PRLR: variants seen among roughly 807,000 people sequenced by gnomAD.
PRLR encodes the protein prolactin receptor, also known as hPRL receptor.
In PRLR, 13 loss-of-function variants were observed where a neutral mutation model predicts 40.2. The ratio of observed to expected loss-of-function variants is 0.32; its 90% confidence interval spans 0.21 to 0.51. The LOEUF (loss-of-function observed/expected upper bound fraction) is 0.51, where lower values mean the gene tolerates loss of function less well. PRLR is among the 20% of genes least tolerant of loss of function. PRLR has a pLI of 0.97. For missense variants in PRLR, 656 were observed against 747.3 expected, an observed-to-expected ratio of 0.88 and a Z score of 1.42; for synonymous variants, 269 against 278.7, an observed-to-expected ratio of 0.97 and a Z score of 0.35.
chr5:35,127,755 A>T (rs569213578), intron 1 of PRLR, among the ~76,000 whole-genome samples: 21 of 152,360 alleles, frequency 1.4e-4, no homozygotes, highest in South Asian at 8.3e-4. Context: ...CCAGGCACGA[A>T]AGACCCCAGA....
At position 35,122,180 on chromosome 5, in the gene PRLR, C is replaced by T. The variant is rs183857311; in HGVS notation, c.-105-4058G>A. ...TAAAAAGATAATAAATACTTCTTGT[C>T]CACACCAGAACCACAGGTATAAACC... On this transcript the variant is annotated intron_variant, in intron 1 of 9. Transcript: ENST00000618457. Among the ~76,000 whole-genome samples, 11 of 152,202 alleles carry T rather than the reference C, an allele frequency of 7.2e-5. No homozygotes were observed. The East Asian group carries it at 1.7e-3, about 24-fold the overall frequency.
intron 1 of PRLR, among the ~76,000 whole-genome samples, chr5:35,173,954 G>T (rs1283419988): frequency 6.6e-6 from 1 of 152,000 alleles, no homozygotes; most frequent in Non-Finnish European, 1.5e-5. Context: ...TTTACATTAG[G>T]TATATCTCCT....
chr5:35,139,588 G>A (rs1048669335), intron 1 of PRLR, among the ~76,000 whole-genome samples: 2 of 152,130 alleles, frequency 1.3e-5, no homozygotes, highest in South Asian at 2.1e-4. Context: ...CCTAGAAGAC[G>A]ACAGATGTAA....
At chr5:35,162,774 C>T (rs74370740) in intron 1 of PRLR, among the ~76,000 whole-genome samples, 6,085 of 152,276 alleles carry the variant, frequency 0.04, 145 homozygotes, top group Middle Eastern at 0.11. Context: ...CCACATGCCT[C>T]GTCCCTGTGT....
At chr5:35,196,990 C>T (rs1775754131) in intron 1 of PRLR, among the ~76,000 whole-genome samples, 1 of 152,126 alleles carries the variant, frequency 6.6e-6, no homozygotes, top group African/African-American at 2.4e-5. Flanking sequence ...GCACTAATCT[C>T]ATTCATGAAG....
At chr5:35,100,872 T>C (rs1303212946) in intron 2 of PRLR, among the ~76,000 whole-genome samples, 1 of 152,200 alleles carries the variant, frequency 6.6e-6, no homozygotes, top group Admixed American at 6.5e-5. Flanking sequence ...TGAAAGGCTC[T>C]TGAGTTCATG....
At chr5:35,134,144 A>G (rs2111789459) in intron 1 of PRLR, among the ~76,000 whole-genome samples, 1 of 152,310 alleles carries the variant, frequency 6.6e-6, no homozygotes, top group East Asian at 1.9e-4. Flanking sequence ...GAACTTAGGT[A>G]ACCAAACACC....
chr5:35,107,785 C>A (rs1020690973), intron 2 of PRLR, among the ~76,000 whole-genome samples: 7 of 152,150 alleles, frequency 4.6e-5, no homozygotes, highest in Non-Finnish European at 8.8e-5. Context: ...ACAGCCGAGT[C>A]TACCAGAGGT....
intron 1 of PRLR, among the ~76,000 whole-genome samples, chr5:35,157,211 CTG>C (rs1774535549): frequency 2.6e-5 from 4 of 152,056 alleles, no homozygotes; most frequent in Admixed American, 2.6e-4. Context: ...TTTATGGAAA[CTG>C]TATGTAGCTG....
intron 3 of PRLR, among the ~76,000 whole-genome samples, chr5:35,087,424 G>GTGTA (rs1770926872): frequency 7.2e-6 from 1 of 138,258 alleles, no homozygotes; most frequent in African/African-American, 2.6e-5. Context: ...TCTTTCCTTT[G>GTGTA]TGTGTGTGTG....
intron 1 of PRLR, among the ~76,000 whole-genome samples, chr5:35,214,018 C>T (rs1776229213): frequency 1.3e-5 from 2 of 152,198 alleles, no homozygotes; most frequent in South Asian, 4.1e-4. Context: ...CATTTCCAGC[C>T]TTCCCCGTTG....
intron 1 of PRLR, among the ~76,000 whole-genome samples, chr5:35,221,060 C>T (rs1776404411): frequency 6.6e-6 from 1 of 152,174 alleles, no homozygotes; most frequent in Non-Finnish European, 1.5e-5. Flanking sequence ...TAAGTAGCTT[C>T]TGCAACCAAA....
intron 1 of PRLR, among the ~76,000 whole-genome samples, chr5:35,229,170 GA>G (rs553740562): frequency 2.7e-5 from 4 of 149,148 alleles, no homozygotes; most frequent in Non-Finnish European, 5.9e-5. Flanking sequence ...AAACTTTGCA[GA>G]AAAAAAATCG....
Position 35,059,395 on chromosome 5 carries a change from G to A in PRLR, c.*5694C>T, listed in dbSNP as rs1056300804. The A allele has an allele frequency of 4.0e-5, 6 of 151,754 alleles. No homozygotes were observed. The highest frequency in any genetic ancestry group is 9.7e-5 in the African/African-American group (4 of 41,134). 9.4% of individuals were successfully genotyped at this position (151,754 alleles called of 1,614,324 possible). A position where few individuals can be genotyped will look rare whatever the true frequency, so the allele number is the denominator to read the frequency against. On this transcript the variant is annotated 3_prime_UTR_variant, in exon 10 of 10. Coordinates refer to ENST00000618457, the MANE Select transcript of PRLR (RefSeq NM_000949.7). ...AGCATTAAATCAAGGGAATTGATGT[G>A]GACAAAACAGCTGCCAGCATGATAG... is the stretch of plus-strand genomic sequence containing the variant.
chr5:35,049,175 T>A (rs758675759), exon 9 of PRLR: 1 of 700,140 alleles, frequency 1.4e-6, no homozygotes. Context: ...GTAATCCAAG[T>A]CAGTGAGGCC....
chr5:35,219,728 T>C (rs1041945735), intron 1 of PRLR, among the ~76,000 whole-genome samples: 3 of 152,148 alleles, frequency 2.0e-5, no homozygotes, highest in African/African-American at 7.2e-5. Context: ...GGATGAAATT[T>C]TTATGGTTAA....
At chr5:35,105,675 G>A (rs1461698935) in intron 2 of PRLR, among the ~76,000 whole-genome samples, 1 of 152,014 alleles carries the variant, frequency 6.6e-6, no homozygotes, top group Non-Finnish European at 1.5e-5. Flanking sequence ...GAGAAGTTTA[G>A]AGAAAAAAAG....
intron 1 of PRLR, among the ~76,000 whole-genome samples, chr5:35,201,066 C>T (rs1284491484): frequency 6.6e-6 from 1 of 152,186 alleles, no homozygotes; most frequent in African/African-American, 2.4e-5. Flanking sequence ...AGCTGTGTAA[C>T]TTTGGGCAAG....
chr5:35,054,129 T>C (rs1768609355), downstream of PRLR, among the ~76,000 whole-genome samples: 1 of 152,228 alleles, frequency 6.6e-6, no homozygotes, highest in African/African-American at 2.4e-5. Context: ...GCTCATTGAA[T>C]TGTCAAACAT....
Sources: gnomAD v4.1 joint callset for allele counts (sites outside exome capture counted in the v4.1 genomes callset) on GRCh38, gnomAD v4.1.1 for gene constraint, MANE v1.5 for transcripts, NCBI Gene and HGNC (gene_info 2026-07-23, HGNC 2026-07-21) for gene names.